ARHGAP15: variants seen among roughly 807,000 people sequenced by gnomAD.
ARHGAP15 encodes Rho GTPase activating protein 15, also known as rho GTPase-activating protein 15.
In ARHGAP15, 51 loss-of-function variants were observed where a neutral mutation model predicts 63.7. That is an observed-to-expected ratio of 0.80 (90% CI 0.64 to 1.01). The LOEUF (loss-of-function observed/expected upper bound fraction) is 1.01. Ranked by LOEUF, ARHGAP15 falls within the 50% of genes least tolerant of loss-of-function variation. The pLI, the probability that ARHGAP15 is intolerant of heterozygous loss-of-function variation, is 0.00. For missense variants in ARHGAP15, 560 were observed against 564.6 expected, an observed-to-expected ratio of 0.99 and a Z score of 0.08; for synonymous variants, 191 against 193.8, an observed-to-expected ratio of 0.99 and a Z score of 0.12.
At position 143,424,689 on chromosome 2, in the gene ARHGAP15, A is replaced by G. The variant is rs140458648; in HGVS notation, c.475-10912A>G. Among the ~76,000 whole-genome samples, 3 of 152,182 alleles carry G rather than the reference A, an allele frequency of 2.0e-5. No homozygotes were observed. In the East Asian group the frequency reaches 5.8e-4, roughly 29 times the overall value. On this transcript the variant is annotated intron_variant, in intron 6 of 13. Coordinates refer to ENST00000295095, the MANE Select transcript of ARHGAP15 (RefSeq NM_018460.4). ...TCCAACATTCATCCCTGGGTCCTCCATTATACCCTCAAGGAAAGTTTGATT... is the reference window on the plus strand; with the variant it reads ...TCCAACATTCATCCCTGGGTCCTCCGTTATACCCTCAAGGAAAGTTTGATT...
chr2:143,728,196 G>T (rs1025594357), intron 13 of ARHGAP15, among the ~76,000 whole-genome samples: 1 of 152,178 alleles, frequency 6.6e-6, no homozygotes, highest in Non-Finnish European at 1.5e-5. Context: ...CTTGCACATG[G>T]CCACCTTCTT....
chr2:143,451,428 A>G (rs1045709392), intron 8 of ARHGAP15, among the ~76,000 whole-genome samples: 1 of 151,964 alleles, frequency 6.6e-6, no homozygotes, highest in South Asian at 2.1e-4. Flanking sequence ...GCCACTGAAA[A>G]GGTAAATTTA....
At chr2:143,581,108 C>A (rs1243058425) in intron 11 of ARHGAP15, among the ~76,000 whole-genome samples, 1 of 152,172 alleles carries the variant, frequency 6.6e-6, no homozygotes, top group East Asian at 1.9e-4. Context: ...GAATTGGTAA[C>A]CAGCTTCACA....
At chr2:143,713,837 G>A (rs888379251) in intron 13 of ARHGAP15, among the ~76,000 whole-genome samples, 1 of 152,190 alleles carries the variant, frequency 6.6e-6, no homozygotes, top group African/African-American at 2.4e-5. Flanking sequence ...TACAAGAGGT[G>A]GGTTCCCATG....
intron 8 of ARHGAP15, among the ~76,000 whole-genome samples, chr2:143,463,766 A>G (rs1691075061): frequency 6.6e-6 from 1 of 152,190 alleles, no homozygotes; most frequent in African/African-American, 2.4e-5. Context: ...TCTGATTATT[A>G]GAGACTTTAA....
At chr2:143,248,798 T>C (rs1694150902) in intron 5 of ARHGAP15, among the ~76,000 whole-genome samples, 1 of 152,232 alleles carries the variant, frequency 6.6e-6, no homozygotes, top group South Asian at 2.1e-4. Flanking sequence ...CTCTCTATGA[T>C]ACAGAGGTTA....
intron 11 of ARHGAP15, among the ~76,000 whole-genome samples, chr2:143,558,373 G>A (rs1455095667): frequency 6.6e-6 from 1 of 151,912 alleles, no homozygotes; most frequent in Non-Finnish European, 1.5e-5. Flanking sequence ...CATTCAATAA[G>A]CCTCCAGTCA....
intron 2 of ARHGAP15, among the ~76,000 whole-genome samples, chr2:143,166,348 T>A (rs12995863): frequency 0.029 from 4,469 of 152,250 alleles, 99 homozygotes; most frequent in Non-Finnish European, 0.048. Context: ...TGTGTCCCTC[T>A]AAGAGTCCCC....
chr2:143,204,460 G>A (rs1049654160), intron 3 of ARHGAP15, among the ~76,000 whole-genome samples: 1 of 151,962 alleles, frequency 6.6e-6, no homozygotes, highest in Admixed American at 6.6e-5. Context: ...ATCCTCACAC[G>A]GCAAAAAGAG....
chr2:143,539,802 A>C (rs955725982), intron 10 of ARHGAP15, among the ~76,000 whole-genome samples: 122 of 152,112 alleles, frequency 8.0e-4, no homozygotes, highest in African/African-American at 2.8e-3. Context: ...ACTTCCAACT[A>C]TGTGGTCAAT....
intron 2 of ARHGAP15, among the ~76,000 whole-genome samples, chr2:143,165,771 C>T (rs1168304347): frequency 1.3e-5 from 2 of 151,922 alleles, no homozygotes. Context: ...TGTGGTCTTA[C>T]CTATTGATTA....
intron 13 of ARHGAP15, among the ~76,000 whole-genome samples, chr2:143,731,460 A>C (rs533359869): frequency 6.6e-6 from 1 of 152,182 alleles, no homozygotes. Flanking sequence ...CATCAATTCC[A>C]GTCATGCCTC....
At chr2:143,378,141 T>A (rs114936614) in intron 6 of ARHGAP15, among the ~76,000 whole-genome samples, 2 of 152,128 alleles carry the variant, frequency 1.3e-5, no homozygotes, top group African/African-American at 2.4e-5. Flanking sequence ...TTGGGAGATA[T>A]GTTTCAATTC....
intron 13 of ARHGAP15, 79 bp from the exon 14 acceptor site, chr2:143,767,910 C>T: frequency 7.4e-7 from 1 of 1,346,992 alleles, no homozygotes; most frequent in East Asian, 2.3e-5. Flanking sequence ...GAATGAGAAA[C>T]CTTTTTTAAT....
At chr2:143,453,174 A>G (rs1366480355) in intron 8 of ARHGAP15, among the ~76,000 whole-genome samples, 1 of 151,960 alleles carries the variant, frequency 6.6e-6, no homozygotes, top group Non-Finnish European at 1.5e-5. Flanking sequence ...TGAAAGGTTA[A>G]TCAATTTACA....
At chr2:143,224,267 C>G (rs17207319) in intron 4 of ARHGAP15, among the ~76,000 whole-genome samples, 22,157 of 152,046 alleles carry the variant, frequency 0.15, 1,695 homozygotes, top group Middle Eastern at 0.25. Context: ...ACCTTAATAA[C>G]TACTAGGAAA....
At chr2:143,728,328 G>A (rs1337108304) in intron 13 of ARHGAP15, among the ~76,000 whole-genome samples, 4 of 151,854 alleles carry the variant, frequency 2.6e-5, no homozygotes. Flanking sequence ...CACCCTAATG[G>A]CCTTATTTTT....
intron 6 of ARHGAP15, among the ~76,000 whole-genome samples, chr2:143,356,141 C>T (rs1173224084): frequency 6.6e-6 from 1 of 152,018 alleles, no homozygotes; most frequent in Non-Finnish European, 1.5e-5. Flanking sequence ...GATAGTGTTG[C>T]TCGGAAGGTA....
intron 1 of ARHGAP15, among the ~76,000 whole-genome samples, chr2:143,146,611 GCA>G (rs151062386): frequency 2.0e-5 from 3 of 151,146 alleles, no homozygotes; most frequent in African/African-American, 4.8e-5. Context: ...ACATAGGCAT[GCA>G]CACACACACA....
Sources: gnomAD v4.1 joint callset for allele counts (sites outside exome capture counted in the v4.1 genomes callset) on GRCh38, gnomAD v4.1.1 for gene constraint, MANE v1.5 for transcripts, NCBI Gene and HGNC (gene_info 2026-07-23, HGNC 2026-07-21) for gene names.